Variants in KLF17 observed in about 807,000 individuals in gnomAD.
KLF17 encodes the protein KLF transcription factor 17.
In KLF17, 31 loss-of-function variants were observed where a neutral mutation model predicts 34.2. The ratio of observed to expected loss-of-function variants is 0.91; its 90% CI spans 0.68 to 1.22. KLF17 has a LOEUF of 1.22. Among genes scored for constraint, KLF17 ranks in the 50% most tolerant of loss-of-function variants. The pLI, the probability that KLF17 is intolerant of heterozygous loss-of-function variation, is 0.00. For missense variants in KLF17, 478 were observed against 505.2 expected (o/e 0.95, Z 0.52); for synonymous variants, 179 against 186.7 (o/e 0.96, Z 0.34).
chr1:44,129,810 C>T lies in KLF17; in HGVS notation c.539C>T (p.Pro180Leu), dbSNP rs763402328. Reference protein sequence around the residue: ...SHTGNPPVPYPGLSTVPSDET... With the variant: ...SHTGNPPVPYLGLSTVPSDET... ...ACTGGGAACCCTCCAGTGCCTTACC[C>T]TGGCCTCTCGACAGTACCTTCTGAC... is the stretch of plus-strand genomic sequence containing the variant. Residue 180 changes from proline (P) to leucine (L), a missense_variant, in exon 2 of 4, where the codon CCT (proline) becomes CTT (leucine). Pro to Leu is a moderately conservative substitution (Grantham distance 98). Transcript: ENST00000372299. 146 of 1,614,102 alleles carry T rather than the reference C, an allele frequency of 9.0e-5. No individual in the cohort carries two copies. The highest frequency in any genetic ancestry group is 1.2e-4 in the Non-Finnish European group (139 of 1,180,060).
At chr1:44,047,758 TTAGA>T in the KLF17 span, among the ~76,000 whole-genome samples, 6 of 152,230 alleles carry the variant, frequency 3.9e-5, no homozygotes, top group East Asian at 1.9e-4. Flanking sequence ...CAAGGAATAA[TTAGA>T]TAGAAACACA....
At chr1:44,053,239 A>T in the KLF17 span, among the ~76,000 whole-genome samples, 1 of 151,990 alleles carries the variant, frequency 6.6e-6, no homozygotes, top group Non-Finnish European at 1.5e-5. Flanking sequence ...GTACAATTAG[A>T]ATTTGTTTTG....
chr1:44,094,841 C>T, the KLF17 span, among the ~76,000 whole-genome samples: 22 of 151,820 alleles, frequency 1.4e-4, no homozygotes, highest in Non-Finnish European at 7.4e-5. Flanking sequence ...TTTGTGGTTC[C>T]ATACACATTT....
chr1:44,047,573 ACAT>A, the KLF17 span, among the ~76,000 whole-genome samples: 1 of 149,062 alleles, frequency 6.7e-6, no homozygotes, highest in African/African-American at 2.5e-5. Context: ...CGGCACAGTG[ACAT>A]CAACATCACT....
At chr1:44,063,047 G>A in the KLF17 span, among the ~76,000 whole-genome samples, 6 of 152,156 alleles carry the variant, frequency 3.9e-5, no homozygotes, top group Non-Finnish European at 7.4e-5. Flanking sequence ...GGAATATTAC[G>A]TGGCAATAAG....
the KLF17 span, among the ~76,000 whole-genome samples, chr1:44,059,398 C>T: frequency 6.6e-6 from 1 of 152,196 alleles, no homozygotes; most frequent in Non-Finnish European, 1.5e-5. Flanking sequence ...TTCCTCATTA[C>T]CCTGATCCAG....
the KLF17 span, among the ~76,000 whole-genome samples, chr1:44,063,660 C>A: frequency 6.6e-6 from 1 of 152,252 alleles, no homozygotes; most frequent in South Asian, 2.1e-4. Flanking sequence ...TTAGACACAG[C>A]TTGAGAATAA....
intron 1 of KLF17, chr1:44,122,301 A>G (rs879196973): frequency 3.1e-6 from 5 of 1,601,420 alleles, no homozygotes; most frequent in Admixed American, 3.3e-5. Flanking sequence ...TAAACTGTCT[A>G]GTAGAATAAA....
In KLF17 at chr1:44,127,686, CTTTCTTTT is replaced by C. The variant is rs1557731999; in HGVS notation, c.82-1665_82-1658del. On this transcript the variant is annotated intron_variant, in intron 1 of 3. Transcript: ENST00000372299. ...TCTTTCTTTCTTTCTTTCTTTCTTTCTTTCTTTTTCTTTCTTTCTTTCTTTCTTCTCTT... is the reference window on the plus strand; with the variant it reads ...TCTTTCTTTCTTTCTTTCTTTCTTTCTCTTTCTTTCTTTCTTTCTTCTCTT... Among the ~76,000 whole-genome samples the C allele has an allele frequency of 7.8e-3, 317 of 40,806 alleles. 6 individuals are homozygous for C. Among genetic ancestry groups the C allele is most frequent in the African/African-American group, 0.02 (287 of 14,200 alleles). The allele number at this position is 40,806 out of a possible 152,430, so 26.8% of individuals were successfully genotyped here.
chr1:44,122,121 G>A (rs537198769), intron 1 of KLF17: 13 of 1,312,876 alleles, frequency 9.9e-6, no homozygotes, highest in African/African-American at 8.7e-5. Context: ...CCCAAATCCC[G>A]TATGACTTTG....
chr1:44,127,704 C>CTTCTTTCTT (rs2088039829), intron 1 of KLF17, among the ~76,000 whole-genome samples: 7 of 105,400 alleles, frequency 6.6e-5, no homozygotes, highest in African/African-American at 2.9e-4. Context: ...TTCTTTCTTT[C>CTTCTTTCTT]TTTCTTTCTT....
chr1:44,099,830 A>G, the KLF17 span, among the ~76,000 whole-genome samples: 1 of 9,030 alleles, frequency 1.1e-4, no homozygotes, highest in South Asian at 4.5e-3. Flanking sequence ...GAAAAAGAAG[A>G]AAGAAAGAAA....
At chr1:44,083,666 T>C in the KLF17 span, among the ~76,000 whole-genome samples, 1 of 151,734 alleles carries the variant, frequency 6.6e-6, no homozygotes, top group African/African-American at 2.4e-5. Flanking sequence ...TGGTGGCGGG[T>C]GCCTGTAGTT....
Position 44,123,838 on chromosome 1 carries a change from C to T in KLF17, c.81+4850C>T, listed in dbSNP as rs184279491. Among the ~76,000 whole-genome samples the T allele has an allele frequency of 2.1e-3, 321 of 150,808 alleles. 1 individual carries two copies. The highest frequency in any genetic ancestry group is 7.6e-3 in the African/African-American group (313 of 41,266). ...GACCCATTGATTGTTTCAGAGAGTG[C>T]TATTTAATTTCCACACAGATTTGTA... On this transcript the variant is annotated intron_variant, in intron 1 of 3. Coordinates refer to ENST00000372299, the MANE Select transcript of KLF17 (RefSeq NM_173484.4).
chr1:44,052,317 T>C, the KLF17 span: 1 of 152,382 alleles, frequency 6.6e-6, no homozygotes, highest in East Asian at 1.9e-4. Flanking sequence ...TACAACTGCA[T>C]AACTGTCTTG....
At chr1:44,132,233 G>A (rs2088120041) in intron 3 of KLF17, among the ~76,000 whole-genome samples, 1 of 152,184 alleles carries the variant, frequency 6.6e-6, no homozygotes, top group Admixed American at 6.5e-5. Flanking sequence ...TTGAACCCGG[G>A]AGGTGGAGGT....
chr1:44,050,322 G>C, the KLF17 span, among the ~76,000 whole-genome samples: 1 of 152,180 alleles, frequency 6.6e-6, no homozygotes, highest in African/African-American at 2.4e-5. Context: ...TAGCTGAAAG[G>C]GGAAGAGGCA....
the KLF17 span, among the ~76,000 whole-genome samples, chr1:44,091,654 AAG>A: frequency 6.6e-6 from 1 of 150,552 alleles, no homozygotes; most frequent in African/African-American, 2.4e-5. Flanking sequence ...AAAAAAAAAA[AAG>A]AAGAACAAGA....
the KLF17 span, among the ~76,000 whole-genome samples, chr1:44,102,161 T>C: frequency 2.0e-5 from 3 of 152,150 alleles, no homozygotes; most frequent in African/African-American, 7.2e-5. Context: ...TCACTTTAAT[T>C]GTCAATGGTC....
Sources: allele counts gnomAD v4.1 joint callset (sites outside exome capture counted in the v4.1 genomes callset), GRCh38; gene constraint gnomAD v4.1.1; transcripts MANE v1.5; gene names NCBI Gene and HGNC (gene_info 2026-07-23, HGNC 2026-07-21).